The following IQCM variants were observed in gnomAD, a reference collection of about 807,000 sequenced individuals.
IQCM encodes the protein IQ motif containing M.
Under a neutral mutation model 57.6 loss-of-function variants are expected in IQCM, and 45 were observed. The ratio of observed to expected loss-of-function variants is 0.78; its 90% confidence interval spans 0.62 to 1.00. IQCM has a LOEUF of 1.00. IQCM is among the 50% of genes least tolerant of loss of function. The pLI is 0.00. For synonymous variants in IQCM, 148 were observed against 158.9 expected (o/e 0.93, Z 0.51); for missense variants, 468 against 511.6 (o/e 0.91, Z 0.82).
chr4:149,631,125 T>C (rs1172003912), intron 7 of IQCM, among the ~76,000 whole-genome samples: 2 of 152,194 alleles, frequency 1.3e-5, no homozygotes, highest in African/African-American at 2.4e-5. Context: ...TCCTGGGTAC[T>C]AAGTTTTTAA....
intron 13 of IQCM, among the ~76,000 whole-genome samples, chr4:149,372,012 T>C (rs1730401868): frequency 6.6e-6 from 1 of 152,188 alleles, no homozygotes; most frequent in African/African-American, 2.4e-5. Flanking sequence ...ATCTGATATT[T>C]GATTCTTCCA....
At chr4:149,621,690 TA>T (rs1383359782) in intron 7 of IQCM, among the ~76,000 whole-genome samples, 4 of 152,314 alleles carry the variant, frequency 2.6e-5, no homozygotes, top group African/African-American at 9.6e-5. Flanking sequence ...CAAAGTAAAT[TA>T]AATTATTAAA....
chr4:149,653,878 C>T lies in IQCM; in HGVS notation c.565+28240G>A, dbSNP rs538907624. Among the ~76,000 whole-genome samples, 7 of 152,144 alleles carry T rather than the reference C, an allele frequency of 4.6e-5. No individual in the cohort carries two copies. In the East Asian group the frequency reaches 9.7e-4, roughly 21 times the overall value. On this transcript the variant is annotated intron_variant, in intron 7 of 13. Coordinates refer to ENST00000636793, the MANE Select transcript of IQCM (RefSeq NM_001363507.2). ...CTGATTTTTAGTTTCTTCCTTTCTA[C>T]TCAATTGTAACTGGGAAAAAAATGT...
intron 12 of IQCM, among the ~76,000 whole-genome samples, chr4:149,542,403 T>C (rs1310442819): frequency 1.3e-5 from 2 of 152,120 alleles, no homozygotes; most frequent in Non-Finnish European, 2.9e-5. Context: ...ATCATCCATC[T>C]AATTATGTTT....
At chr4:149,390,401 A>C (rs1731761639) in intron 13 of IQCM, among the ~76,000 whole-genome samples, 2 of 150,172 alleles carry the variant, frequency 1.3e-5, no homozygotes, top group East Asian at 1.9e-4. Flanking sequence ...TTCCTTCTCC[A>C]TCTGGATATC....
intron 12 of IQCM, among the ~76,000 whole-genome samples, chr4:149,501,540 A>G (rs1185974382): frequency 6.6e-6 from 1 of 152,194 alleles, no homozygotes; most frequent in Non-Finnish European, 1.5e-5. Context: ...GAGCCATAGA[A>G]TGTAAAAAAA....
intron 12 of IQCM, among the ~76,000 whole-genome samples, chr4:149,476,799 T>C (rs1031493421): frequency 6.6e-6 from 1 of 151,972 alleles, no homozygotes; most frequent in Non-Finnish European, 1.5e-5. Flanking sequence ...ACTTGGAGGG[T>C]AAACTTGCCC....
rs1013514364 is a variant in IQCM, at chr4:149,465,816, G to GA, written c.1229-32260dup. On this transcript the variant is annotated intron_variant, in intron 12 of 13. Coordinates refer to ENST00000636793, the MANE Select transcript of IQCM (RefSeq NM_001363507.2). ...TCTGCCTCTGTGCTACTGGAATGGA[G>GA]AAAAAAAAATAGTAGGGAATGATTC... 1.6e-3 allele frequency among the ~76,000 whole-genome samples: 237 copies of GA among 150,294 alleles called. 1 individual carries two copies. The highest frequency in any genetic ancestry group is 5.4e-3 in the African/African-American group (221 of 41,056).
At chr4:149,486,300 GCATTTTACTTGA>G (rs1741505335) in intron 12 of IQCM, among the ~76,000 whole-genome samples, 1 of 152,026 alleles carries the variant, frequency 6.6e-6, no homozygotes, top group Non-Finnish European at 1.5e-5. Context: ...AAAAACCTTA[GCATTTTACTTGA>G]CATTCTATTG....
chr4:149,505,513 C>A (rs772288621), intron 12 of IQCM, among the ~76,000 whole-genome samples: 10 of 152,056 alleles, frequency 6.6e-5, no homozygotes, highest in Non-Finnish European at 1.5e-4. Flanking sequence ...ATAGTTTTTA[C>A]CTGATCATAT....
chr4:149,455,468 C>T (rs1470417775), intron 12 of IQCM, among the ~76,000 whole-genome samples: 1 of 152,062 alleles, frequency 6.6e-6, no homozygotes, highest in East Asian at 1.9e-4. Flanking sequence ...CCACCTTCCT[C>T]AATAAACTTT....
intron 2 of IQCM, among the ~76,000 whole-genome samples, chr4:149,752,132 T>G (rs1768507011): frequency 6.6e-6 from 1 of 152,066 alleles, no homozygotes; most frequent in African/African-American, 2.4e-5. Flanking sequence ...TGTCCACAAT[T>G]AACACATCAT....
intron 2 of IQCM, among the ~76,000 whole-genome samples, chr4:149,764,450 C>T (rs1399666196): frequency 3.3e-5 from 5 of 152,104 alleles, no homozygotes; most frequent in East Asian, 3.9e-4. Flanking sequence ...CAACTTTTGT[C>T]GCTGTGCAGC....
At chr4:149,564,671 C>T (rs2149940898) in intron 9 of IQCM, among the ~76,000 whole-genome samples, 1 of 152,280 alleles carries the variant, frequency 6.6e-6, no homozygotes, top group South Asian at 2.1e-4. Context: ...CTATATTTTT[C>T]TTCCGTACTG....
intron 13 of IQCM, among the ~76,000 whole-genome samples, chr4:149,416,555 C>A (rs542751658): frequency 1.3e-5 from 2 of 152,148 alleles, no homozygotes; most frequent in East Asian, 3.9e-4. Flanking sequence ...TTAGTCAATG[C>A]TGTCTAGGTC....
chr4:149,536,121 A>G (rs1747267684), intron 12 of IQCM, among the ~76,000 whole-genome samples: 1 of 152,042 alleles, frequency 6.6e-6, no homozygotes, highest in African/African-American at 2.4e-5. Flanking sequence ...AAAGGTATTC[A>G]GCTCTAGGGA....
At chr4:149,654,802 G>A (rs1236434813) in intron 7 of IQCM, among the ~76,000 whole-genome samples, 1 of 152,020 alleles carries the variant, frequency 6.6e-6, no homozygotes, top group Non-Finnish European at 1.5e-5. Flanking sequence ...CTTGAAATGT[G>A]GCCAGTATGA....
At chr4:149,615,554 T>G (rs1246857350) in intron 8 of IQCM, among the ~76,000 whole-genome samples, 1 of 152,172 alleles carries the variant, frequency 6.6e-6, no homozygotes, top group East Asian at 1.9e-4. Context: ...GTGAAACGTT[T>G]AAAGCATAAA....
chr4:149,542,571 G>A (rs1013755813), intron 12 of IQCM, among the ~76,000 whole-genome samples: 37 of 151,910 alleles, frequency 2.4e-4, no homozygotes, highest in African/African-American at 5.8e-4. Context: ...ATGTATAAAC[G>A]AGCATATCCC....
Sources: gnomAD v4.1 joint callset for allele counts (sites outside exome capture counted in the v4.1 genomes callset) on GRCh38, gnomAD v4.1.1 for gene constraint, MANE v1.5 for transcripts, NCBI Gene and HGNC (gene_info 2026-07-23, HGNC 2026-07-21) for gene names.